LRMDA: variants seen among roughly 807,000 people sequenced by gnomAD.
LRMDA encodes leucine-rich melanocyte differentiation-associated protein.
A neutral mutation model predicts 29.8 loss-of-function variants in LRMDA; 18 were observed. That is an observed-to-expected ratio of 0.60 (90% CI 0.42 to 0.90). The LOEUF is 0.90. LRMDA is among the 40% of genes least tolerant of loss of function. The probability of loss-of-function intolerance (pLI) is 0.00; values close to 1 mark genes in which losing one functional copy is unlikely to be tolerated. For missense variants in LRMDA, 273 were observed against 273.9 expected (o/e 1.00, Z 0.02); for synonymous variants, 125 against 109.4 (o/e 1.14, Z -0.89).
chr10:75,581,650 A>G (rs190562594), intron 2 of LRMDA, among the ~76,000 whole-genome samples: 4 of 152,276 alleles, frequency 2.6e-5, no homozygotes, highest in Non-Finnish European at 5.9e-5. Context: ...GACATGGATG[A>G]AGCTGGAAAC....
rs535474882 is a variant in LRMDA at position 75,703,821 on chromosome 10, C to A, written c.131+265327C>A. ...AATAGGGCCATGAAATATTTAGGAT[C>A]GGCATGTGGAAATTGACTTCCCTTG... On this transcript the variant is annotated intron_variant, in intron 2 of 6. Coordinates refer to ENST00000611255, the MANE Select transcript of LRMDA (RefSeq NM_001305581.2). Among the ~76,000 whole-genome samples, 25 of 152,270 alleles carry A rather than the reference C, an allele frequency of 1.6e-4. No individual in the cohort carries two copies. In the South Asian group the frequency reaches 2.7e-3, roughly 16 times the overall value.
chr10:76,418,566 A>G (rs1842042388), intron 6 of LRMDA, among the ~76,000 whole-genome samples: 1 of 151,834 alleles, frequency 6.6e-6, no homozygotes, highest in Non-Finnish European at 1.5e-5. Context: ...CTGTACACAA[A>G]TCTCCCTGTA....
chr10:76,156,130 T>C (rs1850533291), intron 5 of LRMDA, among the ~76,000 whole-genome samples: 1 of 152,196 alleles, frequency 6.6e-6, no homozygotes, highest in East Asian at 1.9e-4. Flanking sequence ...TGGCTAAACC[T>C]GACAGCCTCT....
intron 6 of LRMDA, among the ~76,000 whole-genome samples, chr10:76,552,859 TC>T (rs1438975933): frequency 2.0e-5 from 3 of 152,022 alleles, no homozygotes; most frequent in African/African-American, 7.3e-5. Context: ...TCTCAGGGCC[TC>T]CCCCAGCAAA....
intron 2 of LRMDA, among the ~76,000 whole-genome samples, chr10:75,848,497 A>G (rs1844678761): frequency 6.6e-6 from 1 of 151,912 alleles, no homozygotes; most frequent in East Asian, 1.9e-4. Context: ...CTGTAAACAT[A>G]CCTCTGTGCT....
At chr10:76,021,960 GA>G (rs1286491467) in intron 2 of LRMDA, among the ~76,000 whole-genome samples, 1 of 152,122 alleles carries the variant, frequency 6.6e-6, no homozygotes, top group Non-Finnish European at 1.5e-5. Context: ...CCTGACACTG[GA>G]AAAAATGCAT....
chr10:76,519,544 A>C (rs1843098031), intron 6 of LRMDA, among the ~76,000 whole-genome samples: 1 of 152,212 alleles, frequency 6.6e-6, no homozygotes, highest in African/African-American at 2.4e-5. Flanking sequence ...GGACATAAAG[A>C]GAAAGATTTT....
rs34902194 is a variant in LRMDA, at chr10:75,494,515, C to CTTTTTTT, written c.131+56037_131+56043dup. On this transcript the variant is annotated intron_variant, in intron 2 of 6. Coordinates refer to ENST00000611255, the MANE Select transcript of LRMDA (RefSeq NM_001305581.2). ...GCTAAAACAAGGTTTATGTTTGTTC[C>CTTTTTTT]TTTTTTTTTTTTTTTTTTTTTTGTT... 7.6e-3 allele frequency among the ~76,000 whole-genome samples: 782 copies of CTTTTTTT among 102,740 alleles called. 1 individual carries two copies. Among genetic ancestry groups the CTTTTTTT allele is most frequent in the Non-Finnish European group, 0.011 (593 of 55,368 alleles). 67.4% of individuals were successfully genotyped at this position (102,740 alleles called of 152,430 possible).
At chr10:76,120,887 C>T (rs895162998) in intron 5 of LRMDA, among the ~76,000 whole-genome samples, 5 of 149,436 alleles carry the variant, frequency 3.3e-5, no homozygotes, top group Admixed American at 2.7e-4. Context: ...GGCTGGAGTG[C>T]AGTGGCGTGA....
At chr10:76,129,474 G>A (rs1188290460) in intron 5 of LRMDA, among the ~76,000 whole-genome samples, 1 of 152,216 alleles carries the variant, frequency 6.6e-6, no homozygotes, top group Admixed American at 6.5e-5. Context: ...CCTTTAGTGT[G>A]GACAGAGCTC....
chr10:75,715,148 C>T (rs79758434), intron 2 of LRMDA, among the ~76,000 whole-genome samples: 7,337 of 152,160 alleles, frequency 0.048, 593 homozygotes, highest in African/African-American at 0.17. Flanking sequence ...GGCTGCGGTA[C>T]GTGCGGGCAG....
At chr10:76,492,861 C>G (rs1390579652) in intron 6 of LRMDA, among the ~76,000 whole-genome samples, 1 of 152,016 alleles carries the variant, frequency 6.6e-6, no homozygotes, top group Non-Finnish European at 1.5e-5. Context: ...GAAACCACCT[C>G]CATGATTCAA....
intron 6 of LRMDA, among the ~76,000 whole-genome samples, chr10:76,391,171 T>C (rs1266796118): frequency 6.6e-6 from 1 of 152,152 alleles, no homozygotes; most frequent in Non-Finnish European, 1.5e-5. Context: ...CATTCCCAGA[T>C]TTTAGGAAGC....
chr10:76,315,297 C>G (rs985535363), intron 5 of LRMDA, among the ~76,000 whole-genome samples: 1 of 152,218 alleles, frequency 6.6e-6, no homozygotes, highest in Non-Finnish European at 1.5e-5. Flanking sequence ...GCCCCACCCC[C>G]TAACCAGTTG....
At chr10:76,271,410 A>G (rs1485748039) in intron 5 of LRMDA, among the ~76,000 whole-genome samples, 1 of 138,326 alleles carries the variant, frequency 7.2e-6, no homozygotes, top group East Asian at 2.6e-4. Flanking sequence ...CCTGTCTTGG[A>G]AAAAAAAAAA....
At chr10:76,214,364 G>C in intron 5 of LRMDA, among the ~76,000 whole-genome samples, 1 of 129,410 alleles carries the variant, frequency 7.7e-6, no homozygotes, top group Non-Finnish European at 1.5e-5. Context: ...TTATGAGACG[G>C]AGTCTCCTCT....
chr10:75,806,190 G>T (rs900114006), intron 2 of LRMDA, among the ~76,000 whole-genome samples: 1 of 152,092 alleles, frequency 6.6e-6, no homozygotes, highest in Non-Finnish European at 1.5e-5. Flanking sequence ...AGGGATCCAC[G>T]CCTATGACCC....
At chr10:75,687,500 G>T (rs967017447) in intron 2 of LRMDA, among the ~76,000 whole-genome samples, 2 of 152,230 alleles carry the variant, frequency 1.3e-5, no homozygotes, top group Non-Finnish European at 2.9e-5. Context: ...TAAGGAAGCT[G>T]CAAAAGAAAA....
At chr10:75,589,250 C>T (rs942821960) in intron 2 of LRMDA, among the ~76,000 whole-genome samples, 2 of 152,142 alleles carry the variant, frequency 1.3e-5, no homozygotes, top group South Asian at 2.1e-4. Context: ...GTTTTTCCAC[C>T]GCATCACCAA....
Sources: gnomAD v4.1 joint callset for allele counts (sites outside exome capture counted in the v4.1 genomes callset) on GRCh38, gnomAD v4.1.1 for gene constraint, MANE v1.5 for transcripts, NCBI Gene and HGNC (gene_info 2026-07-23, HGNC 2026-07-21) for gene names.